The following CROCC2 variants were observed in gnomAD, a reference collection of about 807,000 sequenced individuals.
CROCC2 encodes the protein ciliary rootlet coiled-coil, rootletin family member 2.
CROCC2 carries 163 observed loss-of-function variants against 177.6 expected under a neutral mutation model. The observed-to-expected ratio is 0.92, with a 90% CI of 0.81 to 1.05. The LOEUF (loss-of-function observed/expected upper bound fraction) is 1.05, where lower values mean the gene tolerates loss of function less well. Among genes scored for constraint, CROCC2 ranks in the 50% least tolerant of loss-of-function variants. The pLI is 0.00. For synonymous variants in CROCC2, 904 were observed against 787.3 expected, an observed-to-expected ratio of 1.15 and a Z score of -2.48; for missense variants, 1,929 against 1,797.8, an observed-to-expected ratio of 1.07 and a Z score of -1.32.
chr2:240,907,690 C>T (rs1040256836), intron 1 of CROCC2, among the ~76,000 whole-genome samples: 1 of 152,008 alleles, frequency 6.6e-6, no homozygotes, highest in Non-Finnish European at 1.5e-5. Context: ...AAAGAGGTGC[C>T]GTGGGGTGAG....
At position 240,965,630 on chromosome 2, in the gene CROCC2, C is replaced by T. The variant is rs1430096409; in HGVS notation, c.3604-6C>T. ...CCACGGGCGCACCCCAACATCCCTCCTACAGGTCCTGGGATTGCAGAGGAA... is the reference window on the plus strand; with the variant it reads ...CCACGGGCGCACCCCAACATCCCTCTTACAGGTCCTGGGATTGCAGAGGAA... On this transcript the variant is annotated splice_region_variant and splice_polypyrimidine_tract_variant and intron_variant, in intron 23 of 31. Transcript: ENST00000690015. 6.4e-6 allele frequency: 10 copies of T among 1,550,490 alleles called. No individual in the cohort carries two copies. Among genetic ancestry groups the T allele is most frequent in the Non-Finnish European group, 8.7e-6 (10 of 1,146,904 alleles).
chr2:240,971,190 C>T (rs930386965), intron 27 of CROCC2, among the ~76,000 whole-genome samples: 2 of 152,202 alleles, frequency 1.3e-5, no homozygotes, highest in East Asian at 1.9e-4. Context: ...CGAGGGTGTG[C>T]GTGAGTGGGT....
intron 19 of CROCC2, chr2:240,956,397 A>C: frequency 5.7e-6 from 1 of 176,034 alleles, no homozygotes; most frequent in Non-Finnish European, 1.2e-5. Flanking sequence ...AGGAGAAACA[A>C]CCCGAGGCGG....
intron 13 of CROCC2, 145 bp from the exon 14 acceptor site, chr2:240,935,212 GC>G: frequency 8.3e-7 from 1 of 1,208,878 alleles, no homozygotes. Flanking sequence ...ACTAGCCCTG[GC>G]CAGGCCTGAG....
intron 21 of CROCC2, 121 bp downstream of exon 21, chr2:240,963,894 G>A: frequency 1.9e-6 from 2 of 1,069,286 alleles, no homozygotes; most frequent in Non-Finnish European, 2.7e-6. Context: ...CCCCACTGAT[G>A]GTGGGGTAGA....
At position 240,965,901 on chromosome 2, in the gene CROCC2, T is replaced by C; in HGVS notation, c.3869T>C (p.Leu1290Pro). 2.1e-6 allele frequency: 3 copies of C among 1,431,602 alleles called. No individual in the cohort carries two copies. The highest frequency in any genetic ancestry group is 2.9e-5 in the African/African-American group (2 of 69,170). 88.7% of individuals were successfully genotyped at this position (1,431,602 alleles called of 1,614,324 possible). The part of the protein sequence containing the change: ...EGARQDAEAQ[L>P]GRLCSTLRRG... ...GCAAGGCAGGATGCGGAGGCCCAGC[T>C]GGGCCGGCTGTGCTCCACGCTCCGC... Residue 1290 changes from leucine (L) to proline (P), a missense_variant, in exon 24 of 32, where the codon CTG becomes CCG. Leu to Pro is a moderately conservative substitution (Grantham distance 98). Transcript: ENST00000690015.
intron 28 of CROCC2, among the ~76,000 whole-genome samples, chr2:240,987,425 A>C (rs2059847911): frequency 6.6e-6 from 1 of 152,184 alleles, no homozygotes; most frequent in Non-Finnish European, 1.5e-5. Flanking sequence ...CACTTCCAGG[A>C]GTGTAACTGG....
At chr2:240,927,539 A>G (rs968402262) in intron 5 of CROCC2, among the ~76,000 whole-genome samples, 1 of 152,166 alleles carries the variant, frequency 6.6e-6, no homozygotes, top group African/African-American at 2.4e-5. Flanking sequence ...TCTGATGTCT[A>G]ATCTCTGTTA....
At chr2:240,929,866 C>A (rs949510767) in intron 5 of CROCC2, among the ~76,000 whole-genome samples, 1 of 152,190 alleles carries the variant, frequency 6.6e-6, no homozygotes, top group African/African-American at 2.4e-5. Context: ...GCGACTGAGT[C>A]AGCACCTTCT....
intron 11 of CROCC2, 49 bp downstream of exon 11, chr2:240,933,901 C>G: frequency 4.0e-6 from 6 of 1,508,404 alleles, no homozygotes; most frequent in South Asian, 1.2e-5. Flanking sequence ...AGAAGAGACC[C>G]CACTCTGCCA....
intron 14 of CROCC2, among the ~76,000 whole-genome samples, chr2:240,938,370 GA>G (rs2059481029): frequency 6.6e-6 from 1 of 152,130 alleles, no homozygotes; most frequent in Non-Finnish European, 1.5e-5. Flanking sequence ...GCAACTTGTT[GA>G]AAATAAACGG....
chr2:240,916,098 G>T (rs1357216088), intron 1 of CROCC2, among the ~76,000 whole-genome samples: 1 of 152,122 alleles, frequency 6.6e-6, no homozygotes, highest in Non-Finnish European at 1.5e-5. Context: ...TCCCTGGGAG[G>T]GGCCTGGGGA....
chr2:240,972,105 T>A lies in CROCC2; in HGVS notation c.4401+3843T>A, dbSNP rs1034095564. On this transcript the variant is annotated intron_variant, in intron 27 of 31. Transcript: ENST00000690015. The surrounding 1 kb of genome is among the most constrained non-coding windows in gnomAD (Gnocchi z 7.1). ...TCGACTTTATTTTCTCAAACCCCAG[T>A]GGATACTAGTTTTGTGATTTTTTTC... Among the ~76,000 whole-genome samples the A allele has an allele frequency of 1.3e-5, 2 of 152,184 alleles. No homozygotes were observed. Among genetic ancestry groups the A allele is most frequent in the East Asian group, 1.9e-4 (1 of 5,198 alleles).
chr2:240,964,884 C>T (rs1012015926), intron 22 of CROCC2, among the ~76,000 whole-genome samples: 1 of 152,080 alleles, frequency 6.6e-6, no homozygotes, highest in Non-Finnish European at 1.5e-5. Flanking sequence ...CAGCAGCACA[C>T]GGAAGTATCC....
Position 240,972,706 on chromosome 2 carries a change from G to A in CROCC2, c.4401+4444G>A, listed in dbSNP as rs991138425. ...TAAAATCTATCATTATGGTGTCAAC[G>A]TTTTCTTACAATTCTGGCAATTATT... On this transcript the variant is annotated intron_variant, in intron 27 of 31. Coordinates refer to ENST00000690015, the MANE Select transcript of CROCC2 (RefSeq NM_001351305.2). This position sits in a 1 kb window ranked among gnomAD's most constrained non-coding sequence, Gnocchi z 7.1. 1.2e-4 allele frequency among the ~76,000 whole-genome samples: 18 copies of A among 151,820 alleles called. No homozygotes were observed. Among genetic ancestry groups the A allele is most frequent in the Non-Finnish European group, 2.5e-4 (17 of 68,002 alleles).
In CROCC2 at chr2:240,983,418, C is replaced by G. The variant is rs1025463539; in HGVS notation, c.4551+389C>G. ...ATCCCTGGCCCACGCCCAGCGTCTT[C>G]GGCCCAGGTGCTCTGCAGGCCGCAG... is the stretch of plus-strand genomic sequence containing the variant. On this transcript the variant is annotated intron_variant, in intron 28 of 31. Coordinates refer to ENST00000690015, the MANE Select transcript of CROCC2 (RefSeq NM_001351305.2). The G allele has an allele frequency of 4.7e-6, 6 of 1,283,478 alleles. No individual in the cohort carries two copies. The Admixed American group carries it at 1.4e-4, about 30-fold the overall frequency. 79.5% of individuals were successfully genotyped at this position (1,283,478 alleles called of 1,614,324 possible). A position where few individuals can be genotyped will look rare whatever the true frequency, so the allele number is the denominator to read the frequency against.
At chr2:240,934,517 C>T in intron 12 of CROCC2, 42 bp downstream of exon 12, 6 of 1,304,524 alleles carry the variant, frequency 4.6e-6, no homozygotes, top group Non-Finnish European at 5.1e-6. Context: ...CTCCTGTCTG[C>T]CCCCACCCAC....
chr2:240,963,455 C>T, intron 20 of CROCC2, 101 bp from the exon 21 acceptor site: 1 of 1,238,086 alleles, frequency 8.1e-7, no homozygotes, highest in Non-Finnish European at 1.1e-6. Context: ...TTGGGCAGGG[C>T]ACCTGTGCCT....
chr2:240,933,397 G>C, intron 10 of CROCC2, 55 bp downstream of exon 10: 1 of 1,419,034 alleles, frequency 7.0e-7, no homozygotes. Context: ...GATCCTGAGG[G>C]CCCAGGGCTG....
Sources: allele counts gnomAD v4.1 joint callset (sites outside exome capture counted in the v4.1 genomes callset), GRCh38; gene constraint gnomAD v4.1.1; non-coding constraint Gnocchi (gnomAD v3.1); transcripts MANE v1.5; gene names NCBI Gene and HGNC (gene_info 2026-07-23, HGNC 2026-07-21).